Variants in CTNND2 observed in about 807,000 individuals in gnomAD.
CTNND2 encodes catenin delta-2.
Under a neutral mutation model 144.4 loss-of-function variants are expected in CTNND2, and 22 were observed. The observed-to-expected ratio is 0.15, with a 90% CI of 0.11 to 0.22. CTNND2 has a LOEUF of 0.22. CTNND2 is among the 10% of genes least tolerant of loss of function. CTNND2 has a pLI of 1.00. For missense variants in CTNND2, 1,353 were observed against 1,618.8 expected, an observed-to-expected ratio of 0.84 and a Z score of 2.82; for synonymous variants, 751 against 695.6, an observed-to-expected ratio of 1.08 and a Z score of -1.25.
chr5:11,620,858 A>G (rs1449316654), intron 2 of CTNND2, among the ~76,000 whole-genome samples: 2 of 152,196 alleles, frequency 1.3e-5, no homozygotes, highest in Non-Finnish European at 2.9e-5. Flanking sequence ...GCCTATTCCC[A>G]GAATTTCTGG....
chr5:11,533,680 T>C (rs1266924658), intron 3 of CTNND2, among the ~76,000 whole-genome samples: 1 of 152,248 alleles, frequency 6.6e-6, no homozygotes, highest in Non-Finnish European at 1.5e-5. Flanking sequence ...TCTGGCTTCA[T>C]GGAAGCACCA....
At chr5:11,470,759 T>C (rs1326611102) in intron 3 of CTNND2, among the ~76,000 whole-genome samples, 2 of 151,660 alleles carry the variant, frequency 1.3e-5, no homozygotes, top group African/African-American at 4.8e-5. Context: ...GGTCAAATGT[T>C]TTGTAGAATG....
intron 1 of CTNND2, among the ~76,000 whole-genome samples, chr5:11,862,219 A>G (rs967480195): frequency 6.6e-6 from 1 of 152,232 alleles, no homozygotes; most frequent in African/African-American, 2.4e-5. Context: ...GTCCTGTTTT[A>G]ACCAACTTAC....
intron 9 of CTNND2, among the ~76,000 whole-genome samples, chr5:11,257,124 T>G (rs1350376769): frequency 2.0e-5 from 3 of 152,368 alleles, no homozygotes; most frequent in East Asian, 3.9e-4. Flanking sequence ...CTTTGTTGGC[T>G]TATTTCTTGC....
chr5:11,242,537 C>A (rs1476893457), intron 9 of CTNND2, among the ~76,000 whole-genome samples: 5 of 152,158 alleles, frequency 3.3e-5, no homozygotes, highest in African/African-American at 1.2e-4. Flanking sequence ...TGGATGGCAC[C>A]CGTGGAAGGC....
chr5:11,648,172 C>CT (rs5865960), intron 2 of CTNND2, among the ~76,000 whole-genome samples: 26,413 of 132,380 alleles, frequency 0.2, 4,611 homozygotes, highest in African/African-American at 0.48. Flanking sequence ...AGAACAGTGA[C>CT]TTTTTTTTTT....
At chr5:10,994,815 C>T (rs1345349552) in intron 18 of CTNND2, among the ~76,000 whole-genome samples, 1 of 152,102 alleles carries the variant, frequency 6.6e-6, no homozygotes, top group Non-Finnish European at 1.5e-5. Flanking sequence ...AGGTCACTCC[C>T]CTGGACAGAG....
At chr5:11,410,177 A>G (rs912387512) in intron 5 of CTNND2, among the ~76,000 whole-genome samples, 3 of 152,166 alleles carry the variant, frequency 2.0e-5, no homozygotes, top group African/African-American at 7.2e-5. Context: ...ATATTTAATG[A>G]CTATGAGTAA....
chr5:11,019,009 C>T lies in CTNND2; in HGVS notation c.3000-951G>A, dbSNP rs555994858. Among the ~76,000 whole-genome samples the T allele has an allele frequency of 3.9e-5, 6 of 152,230 alleles. No individual in the cohort carries two copies. In the East Asian group the frequency reaches 1.2e-3, roughly 29 times the overall value. ...GACGTGATCCACCGTGCCCAGCCAACTCTCTTAATTATATGATGGCTTGGT... is the reference window on the plus strand; with the variant it reads ...GACGTGATCCACCGTGCCCAGCCAATTCTCTTAATTATATGATGGCTTGGT... On this transcript the variant is annotated intron_variant, in intron 17 of 21. Coordinates refer to ENST00000304623, the MANE Select transcript of CTNND2 (RefSeq NM_001332.4).
At chr5:11,857,163 T>C (rs1439756840) in intron 1 of CTNND2, among the ~76,000 whole-genome samples, 4 of 152,196 alleles carry the variant, frequency 2.6e-5, no homozygotes, top group African/African-American at 9.6e-5. Flanking sequence ...CACAGTTCAA[T>C]TTCCCCTACT....
At position 11,012,572 on chromosome 5, in the gene CTNND2, T is replaced by C. The variant is rs74675955; in HGVS notation, c.3084+5402A>G. Among the ~76,000 whole-genome samples, 167 of 152,280 alleles carry C rather than the reference T, an allele frequency of 1.1e-3. 4 individuals carry two copies. The East Asian group carries it at 0.024, about 22-fold the overall frequency. On this transcript the variant is annotated intron_variant, in intron 18 of 21. Transcript: ENST00000304623. ...ACCTGGTGAATCGGAGGGCTACTCA[T>C]GGTGTTCCGCCCCTCAGCAGAGGTG...
At chr5:11,821,069 T>C (rs73743279) in intron 1 of CTNND2, among the ~76,000 whole-genome samples, 1 of 152,186 alleles carries the variant, frequency 6.6e-6, no homozygotes, top group South Asian at 2.1e-4. Flanking sequence ...GTAAAGAATA[T>C]TACTTTCTCC....
At chr5:11,264,916 G>A (rs932075278) in intron 9 of CTNND2, among the ~76,000 whole-genome samples, 1 of 152,148 alleles carries the variant, frequency 6.6e-6, no homozygotes, top group Admixed American at 6.5e-5. Flanking sequence ...GGGTGACAGA[G>A]TAAGACCCCG....
At chr5:11,128,854 T>A (rs1174317824) in intron 12 of CTNND2, among the ~76,000 whole-genome samples, 1 of 71,020 alleles carries the variant, frequency 1.4e-5, no homozygotes, top group Non-Finnish European at 2.7e-5. Flanking sequence ...ATAATATATA[T>A]AATATATATA....
intron 9 of CTNND2, among the ~76,000 whole-genome samples, chr5:11,284,784 T>C (rs1214783294): frequency 6.6e-6 from 1 of 152,218 alleles, no homozygotes; most frequent in Non-Finnish European, 1.5e-5. Context: ...CACCCAATAA[T>C]AGGATTGCAG....
chr5:11,203,605 G>A (rs923021771), intron 10 of CTNND2, among the ~76,000 whole-genome samples: 5 of 151,856 alleles, frequency 3.3e-5, no homozygotes, highest in African/African-American at 7.3e-5. Flanking sequence ...CAACTCCTAG[G>A]CTCAAGCGAT....
At chr5:11,171,656 G>A (rs376177023) in intron 11 of CTNND2, among the ~76,000 whole-genome samples, 1 of 152,092 alleles carries the variant, frequency 6.6e-6, no homozygotes, top group African/African-American at 2.4e-5. Flanking sequence ...ACTTGCCCAG[G>A]GAAAAATAAA....
intron 9 of CTNND2, among the ~76,000 whole-genome samples, chr5:11,316,254 C>A (rs1177052141): frequency 1.3e-5 from 2 of 151,984 alleles, no homozygotes; most frequent in African/African-American, 4.8e-5. Context: ...GAGACAGAGT[C>A]TCCCTCTGTT....
At chr5:11,772,723 C>T (rs1353504437) in intron 1 of CTNND2, among the ~76,000 whole-genome samples, 1 of 152,120 alleles carries the variant, frequency 6.6e-6, no homozygotes, top group Non-Finnish European at 1.5e-5. Flanking sequence ...ACACAAAGCC[C>T]CACAGATACA....
Sources: gnomAD v4.1 joint callset for allele counts (sites outside exome capture counted in the v4.1 genomes callset) on GRCh38, gnomAD v4.1.1 for gene constraint, MANE v1.5 for transcripts, NCBI Gene and HGNC (gene_info 2026-07-23, HGNC 2026-07-21) for gene names.